Variants in FGFR1 observed in about 807,000 individuals in gnomAD.
FGFR1 encodes fibroblast growth factor receptor 1.
Under a neutral mutation model 93.7 loss-of-function variants are expected in FGFR1, and 18 were observed. The ratio of observed to expected loss-of-function variants is 0.19; its 90% CI spans 0.13 to 0.28. The LOEUF (loss-of-function observed/expected upper bound fraction) is 0.28, where lower values mean the gene tolerates loss of function less well. Ranked by LOEUF, FGFR1 falls within the 10% of genes least tolerant of loss-of-function variation. FGFR1 has a pLI of 1.00. For missense variants in FGFR1, 731 were observed against 1,080.4 expected, an observed-to-expected ratio of 0.68 and a Z score of 4.53; for synonymous variants, 448 against 429.3, an observed-to-expected ratio of 1.04 and a Z score of -0.54.
In FGFR1 at chr8:38,411,646, T is replaced by C. The variant is rs536000259; in HGVS notation, c.*1982A>G. 1 of 229,584 alleles carries C rather than the reference T, an allele frequency of 4.4e-6. No individual in the cohort carries two copies. The highest frequency in any genetic ancestry group is 5.7e-5 in the Admixed American group (1 of 17,638). 14.2% of individuals were successfully genotyped at this position (229,584 alleles called of 1,614,324 possible). ...TGTATTTAGCAGTAATCCAGCAAAA[T>C]ATAAGCTTTAATATAGCGACTGAGG... On this transcript the variant is annotated 3_prime_UTR_variant, in exon 18 of 18. Coordinates refer to ENST00000447712, the MANE Select transcript of FGFR1 (RefSeq NM_023110.3).
intron 2 of FGFR1, among the ~76,000 whole-genome samples, chr8:38,431,831 G>T (rs1823268290): frequency 6.6e-6 from 1 of 152,186 alleles, no homozygotes; most frequent in African/African-American, 2.4e-5. Context: ...CCACACAACT[G>T]ATTAAAAATA....
chr8:38,445,449 G>A (rs1050421832), intron 2 of FGFR1, among the ~76,000 whole-genome samples: 1 of 152,162 alleles, frequency 6.6e-6, no homozygotes, highest in African/African-American at 2.4e-5. Context: ...TAAATGCACT[G>A]GGAGTTTGGG....
intron 7 of FGFR1, chr8:38,422,742 G>T (rs1819274660): frequency 1.3e-5 from 5 of 399,846 alleles, no homozygotes; most frequent in Non-Finnish European, 1.8e-5. Flanking sequence ...CACAACTTCA[G>T]TCTGAAGTAC....
Position 38,424,801 on chromosome 8 carries a change from G to T in FGFR1, c.746-102C>A. ...CACTTGGCTTTCCCAGTGATGGGTT[G>T]TAAACCTCCCAGCACTTCTGCTGAG... On this transcript the variant is annotated intron_variant, in intron 6 of 17. Coordinates refer to ENST00000447712, the MANE Select transcript of FGFR1 (RefSeq NM_023110.3). This position sits in a 1 kb window ranked among gnomAD's most constrained non-coding sequence, Gnocchi z 4.3. 1 of 1,223,514 alleles carries T rather than the reference G, an allele frequency of 8.2e-7. No homozygotes were observed. The highest frequency in any genetic ancestry group is 1.2e-6 in the Non-Finnish European group (1 of 866,288). The allele number at this position is 1,223,514 out of a possible 1,614,324, so 75.8% of individuals were successfully genotyped here. A position where few individuals can be genotyped will look rare whatever the true frequency, so the allele number is the denominator to read the frequency against.
In FGFR1 at chr8:38,413,290, G is replaced by A; in HGVS notation, c.*338C>T. ...ACCAAACCGACAGGAGAAAGCTCAGGAAGCTCTCACTTGCATGCCTGTTCA... is the reference window on the plus strand; with the variant it reads ...ACCAAACCGACAGGAGAAAGCTCAGAAAGCTCTCACTTGCATGCCTGTTCA... On this transcript the variant is annotated 3_prime_UTR_variant, in exon 18 of 18. Coordinates refer to ENST00000447712, the MANE Select transcript of FGFR1 (RefSeq NM_023110.3). The surrounding 1 kb of genome is among the most constrained non-coding windows in gnomAD (Gnocchi z 4.2). The A allele has an allele frequency of 2.4e-6, 1 of 409,124 alleles. No homozygotes were observed. Among genetic ancestry groups the A allele is most frequent in the Non-Finnish European group, 4.4e-6 (1 of 225,852 alleles). The allele number at this position is 409,124 out of a possible 1,614,324, so 25.3% of individuals were successfully genotyped here. A position where few individuals can be genotyped will look rare whatever the true frequency, so the allele number is the denominator to read the frequency against.
intron 2 of FGFR1, among the ~76,000 whole-genome samples, chr8:38,446,602 TG>T (rs1477469669): frequency 6.6e-6 from 1 of 151,998 alleles, no homozygotes; most frequent in Non-Finnish European, 1.5e-5. Context: ...TTTGTAGAGA[TG>T]GGGTTTATGC....
At chr8:38,464,480 T>C (rs193141329) in intron 1 of FGFR1, among the ~76,000 whole-genome samples, 1 of 152,228 alleles carries the variant, frequency 6.6e-6, no homozygotes. Flanking sequence ...GCCCTAAACA[T>C]GGTTTCTTTC....
At chr8:38,457,897 C>A (rs12114058) in intron 1 of FGFR1, among the ~76,000 whole-genome samples, 1 of 152,176 alleles carries the variant, frequency 6.6e-6, no homozygotes, top group African/African-American at 2.4e-5. Flanking sequence ...GCAAGAGAAT[C>A]GCTTGAATCC....
At chr8:38,438,348 C>A (rs1345801899) in intron 2 of FGFR1, among the ~76,000 whole-genome samples, 2 of 152,008 alleles carry the variant, frequency 1.3e-5, no homozygotes, top group African/African-American at 2.4e-5. Context: ...TTGAGACCAG[C>A]CTGGCCAACA....
At chr8:38,441,611 A>G (rs969917365) in intron 2 of FGFR1, among the ~76,000 whole-genome samples, 1 of 152,206 alleles carries the variant, frequency 6.6e-6, no homozygotes, top group Non-Finnish European at 1.5e-5. Flanking sequence ...ATTGCTCTGG[A>G]AAGAGGGAAG....
chr8:38,436,404 A>T (rs917734952), intron 2 of FGFR1, among the ~76,000 whole-genome samples: 3 of 152,114 alleles, frequency 2.0e-5, no homozygotes, highest in Admixed American at 2.0e-4. Context: ...GTGAAAAAAA[A>T]GGGGCCTTAT....
chr8:38,451,503 G>A (rs1273059097), intron 2 of FGFR1, among the ~76,000 whole-genome samples: 3 of 152,170 alleles, frequency 2.0e-5, no homozygotes, highest in South Asian at 2.1e-4. Context: ...AATGGCTCTG[G>A]CACCACGCAC....
intron 9 of FGFR1, chr8:38,418,635 C>A (rs372141649): frequency 5.2e-5 from 28 of 541,510 alleles, no homozygotes; most frequent in African/African-American, 4.7e-4. Flanking sequence ...TCCAGCTTGA[C>A]ATTTTATAAC....
chr8:38,467,455 G>A (rs181118324), intron 1 of FGFR1, among the ~76,000 whole-genome samples: 63 of 152,276 alleles, frequency 4.1e-4, no homozygotes, highest in African/African-American at 1.4e-3. Context: ...AAAGGACTTA[G>A]GAATGCCCCG....
chr8:38,463,697 G>C (rs1407525400), intron 1 of FGFR1, among the ~76,000 whole-genome samples: 1 of 152,166 alleles, frequency 6.6e-6, no homozygotes, highest in Non-Finnish European at 1.5e-5. Context: ...AAAGCAATTA[G>C]GTAGTACCCC....
intron 8 of FGFR1, among the ~76,000 whole-genome samples, chr8:38,420,677 G>A (rs756321101): frequency 2.0e-5 from 3 of 152,016 alleles, no homozygotes; most frequent in Non-Finnish European, 4.4e-5. Flanking sequence ...CCCCACGGGT[G>A]TGGACGGCCC....
chr8:38,425,545 A>G (rs763252216), intron 6 of FGFR1, among the ~76,000 whole-genome samples: 12 of 152,240 alleles, frequency 7.9e-5, no homozygotes, highest in Non-Finnish European at 1.5e-4. Flanking sequence ...TCTGTACCCA[A>G]TGATCTCTAG....
At chr8:38,414,048 G>C (rs752597470) in intron 16 of FGFR1, 25 bp from the exon 17 acceptor site, 90 of 1,613,612 alleles carry the variant, frequency 5.6e-5, no homozygotes, top group Non-Finnish European at 7.1e-5. Flanking sequence ...TAAGGTCAGG[G>C]ACGTCTCCTG....
chr8:38,460,975 C>G lies in FGFR1; in HGVS notation c.-88-3441G>C, dbSNP rs2151422638. The G allele has an allele frequency of 2.3e-6, 3 of 1,302,824 alleles. No homozygotes were observed. In the South Asian group the frequency reaches 3.8e-5, roughly 17 times the overall value. 80.7% of individuals were successfully genotyped at this position (1,302,824 alleles called of 1,614,324 possible). On this transcript the variant is annotated intron_variant, in intron 1 of 17. Coordinates refer to ENST00000447712, the MANE Select transcript of FGFR1 (RefSeq NM_023110.3). ...GACCCTGCAGCTGGTTCCCCCCGCCCCGTCTCTCCAATATCAGCTAGGCTC... is the reference window on the plus strand; with the variant it reads ...GACCCTGCAGCTGGTTCCCCCCGCCGCGTCTCTCCAATATCAGCTAGGCTC...
Sources: gnomAD v4.1 joint callset for allele counts (sites outside exome capture counted in the v4.1 genomes callset) on GRCh38, gnomAD v4.1.1 for gene constraint, Gnocchi (gnomAD v3.1) non-coding constraint, MANE v1.5 for transcripts, NCBI Gene and HGNC (gene_info 2026-07-23, HGNC 2026-07-21) for gene names.